The following LAMA2 variants were observed in gnomAD, a reference collection of about 807,000 sequenced individuals.
The protein encoded by LAMA2 is laminin subunit alpha 2.
In LAMA2, 269 loss-of-function variants were observed where a neutral mutation model predicts 364.8. The observed-to-expected ratio is 0.74, with a 90% CI of 0.67 to 0.82. The LOEUF (loss-of-function observed/expected upper bound fraction) is 0.82, where lower values mean the gene tolerates loss of function less well. Ranked by LOEUF, LAMA2 falls within the 40% of genes least tolerant of loss-of-function variation. The pLI is 0.00. For synonymous variants in LAMA2, 1,379 were observed against 1,370.6 expected (o/e 1.01, Z -0.14); for missense variants, 3,807 against 3,873.2 (o/e 0.98, Z 0.45).
intron 12 of LAMA2, among the ~76,000 whole-genome samples, chr6:129,213,997 C>T (rs1476882885): frequency 6.6e-6 from 1 of 151,978 alleles, no homozygotes. Context: ...TTATATGATC[C>T]ATTTTGAGGT....
intron 1 of LAMA2, among the ~76,000 whole-genome samples, chr6:128,984,725 G>T (rs904319811): frequency 1.1e-4 from 16 of 150,586 alleles, no homozygotes; most frequent in Non-Finnish European, 1.9e-4. Context: ...TGACTTTATA[G>T]TTTAAAATTG....
At chr6:129,146,340 A>T (rs1165337364) in intron 5 of LAMA2, among the ~76,000 whole-genome samples, 2 of 152,148 alleles carry the variant, frequency 1.3e-5, no homozygotes, top group East Asian at 3.9e-4. Flanking sequence ...GATTAAAATA[A>T]TTAGTAACAT....
intron 18 of LAMA2, among the ~76,000 whole-genome samples, chr6:129,286,324 C>A (rs2114410899): frequency 6.6e-6 from 1 of 151,392 alleles, no homozygotes; most frequent in South Asian, 2.1e-4. Context: ...TCTCCTTTGG[C>A]AAATGTGGCT....
intron 4 of LAMA2, among the ~76,000 whole-genome samples, chr6:129,132,324 G>A (rs377640556): frequency 6.6e-6 from 1 of 152,078 alleles, no homozygotes; most frequent in African/African-American, 2.4e-5. Flanking sequence ...CCGCCACCAC[G>A]CCTGGCTAAT....
intron 35 of LAMA2, among the ~76,000 whole-genome samples, chr6:129,388,078 C>A (rs971337177): frequency 6.6e-6 from 1 of 151,906 alleles, no homozygotes; most frequent in Non-Finnish European, 1.5e-5. Flanking sequence ...GCCAACATGG[C>A]AAAACCCCAT....
Position 129,149,169 on chromosome 6 carries a change from T to G in LAMA2, c.1027+73T>G, listed in dbSNP as rs1014431650. The G allele has an allele frequency of 9.9e-6, 9 of 912,132 alleles. No individual in the cohort carries two copies. The African/African-American group carries it at 1.5e-4, about 15-fold the overall frequency. The allele number at this position is 912,132 out of a possible 1,614,324, so 56.5% of individuals were successfully genotyped here. A position where few individuals can be genotyped will look rare whatever the true frequency, so the allele number is the denominator to read the frequency against. The stretch of plus-strand genomic sequence containing the variant: ...AAAAAAAGCCAGTAATGAAAAATAG[T>G]GAAATGGCTGGTTATGCAAATGTGT... On this transcript the variant is annotated intron_variant, in intron 7 of 64. Coordinates refer to ENST00000421865, the MANE Select transcript of LAMA2 (RefSeq NM_000426.4).
At chr6:129,388,263 A>C (rs972070984) in intron 35 of LAMA2, among the ~76,000 whole-genome samples, 3 of 151,784 alleles carry the variant, frequency 2.0e-5, no homozygotes, top group African/African-American at 7.3e-5. Context: ...CTCAAAAAAA[A>C]AAAAACAAAA....
chr6:129,470,523 A>AGACC (rs1232133563), intron 51 of LAMA2, among the ~76,000 whole-genome samples: 13 of 152,088 alleles, frequency 8.5e-5, no homozygotes, highest in African/African-American at 2.9e-4. Flanking sequence ...GTTCAAAAAT[A>AGACC]GACCCCAGGG....
chr6:129,220,750 A>G (rs1335980176), intron 12 of LAMA2, among the ~76,000 whole-genome samples: 1 of 152,206 alleles, frequency 6.6e-6, no homozygotes, highest in East Asian at 1.9e-4. Context: ...GAATTGAAAA[A>G]TGAGTACCAT....
At position 129,159,113 on chromosome 6, in the gene LAMA2, T is replaced by G. The variant is rs1038876760; in HGVS notation, c.1206+4430T>G. On this transcript the variant is annotated intron_variant, in intron 8 of 64. Transcript: ENST00000421865. ...CAATAATCTGATGTAAATGTATAGC[T>G]GAGTCATTGTTCAATTGTAATGTTT... The G allele has an allele frequency of 1.7e-5, 27 of 1,576,544 alleles. No homozygotes were observed. The South Asian group carries it at 2.4e-4, about 14-fold the overall frequency.
rs775662272 is a variant in LAMA2, at chr6:129,383,149, C to G, written c.4987C>G (p.Gln1663Glu). 6.2e-7 allele frequency: 1 copy of G among 1,613,804 alleles called. No homozygotes were observed. The highest frequency in any genetic ancestry group is 1.7e-5 in the Admixed American group (1 of 60,010). The change falls in exon 35 of 65, where the codon CAG (glutamine) becomes GAG (glutamate). Residue 1663 changes from glutamine to glutamate, a missense_variant. Transcript: ENST00000421865. Reference sequence around the variant, plus strand: ...TACCAAAGTGACAGCAGATGGCGAGCAGACCGGACAGGATGCTGAGAGGAC... The same window carrying G: ...TACCAAAGTGACAGCAGATGGCGAGGAGACCGGACAGGATGCTGAGAGGAC... ...RATKVTADGEQTGQDAERTNT... is the reference protein window; with the variant it reads ...RATKVTADGEETGQDAERTNT...
intron 2 of LAMA2, among the ~76,000 whole-genome samples, chr6:129,055,176 T>TTTATTATTATTATTTATTATTATTATTA (rs1554207590): frequency 0.016 from 1,962 of 123,616 alleles, 36 homozygotes; most frequent in African/African-American, 0.062. Context: ...ATTATTATTA[T>TTTATTATTATTATTTATTATTATTATTA]TTATTATTAT....
chr6:129,189,855 A>G (rs1380079107), intron 10 of LAMA2, among the ~76,000 whole-genome samples: 3 of 152,198 alleles, frequency 2.0e-5, no homozygotes, highest in South Asian at 2.1e-4. Context: ...GAAGTAGCTC[A>G]ATAACAGAAC....
At chr6:129,375,457 C>G (rs1396684532) in intron 34 of LAMA2, among the ~76,000 whole-genome samples, 1 of 152,174 alleles carries the variant, frequency 6.6e-6, no homozygotes, top group Non-Finnish European at 1.5e-5. Context: ...CACTCCCAGC[C>G]CACTACTGAA....
Position 129,427,766 on chromosome 6 carries a change from G to A in LAMA2, c.5880G>A (p.Arg1960=), listed in dbSNP as rs2114740697. ...TCTGTCCACAGGCAACAGGTCCTCG[G>A]GGTTTATTAAAGGAAGATGCCAAAG... is the stretch of plus-strand genomic sequence containing the variant. The part of the protein sequence containing the change: ...HEATKLATGP[R]GLLKEDAKGC... The change falls in exon 41 of 65, where the codon CGG becomes CGA. Residue 1960 remains arginine (R), a synonymous_variant. Transcript: ENST00000421865. 2.5e-6 allele frequency: 4 copies of A among 1,613,214 alleles called. No homozygotes were observed. The highest frequency in any genetic ancestry group is 3.4e-6 in the Non-Finnish European group (4 of 1,179,414).
chr6:128,936,586 GA>G (rs1779826927), intron 1 of LAMA2, among the ~76,000 whole-genome samples: 1 of 152,018 alleles, frequency 6.6e-6, no homozygotes, highest in Non-Finnish European at 1.5e-5. Context: ...ATATACCTAT[GA>G]AAAAGTTTAA....
chr6:129,478,471 GAGA>G (rs902593822), intron 53 of LAMA2, among the ~76,000 whole-genome samples: 1 of 152,108 alleles, frequency 6.6e-6, no homozygotes, highest in African/African-American at 2.4e-5. Flanking sequence ...TGCTAAAGGG[GAGA>G]AGGACTACAA....
intron 34 of LAMA2, among the ~76,000 whole-genome samples, chr6:129,375,134 G>A (rs949630625): frequency 6.6e-6 from 1 of 151,808 alleles, no homozygotes; most frequent in Non-Finnish European, 1.5e-5. Flanking sequence ...AATGTATTTT[G>A]ATATATTTTA....
At chr6:128,887,902 A>T (rs1403284242) in intron 1 of LAMA2, among the ~76,000 whole-genome samples, 1 of 152,144 alleles carries the variant, frequency 6.6e-6, no homozygotes, top group Admixed American at 6.6e-5. Flanking sequence ...ACAAAAATTT[A>T]AAAAGATTTG....
Sources: gnomAD v4.1 joint callset for allele counts (sites outside exome capture counted in the v4.1 genomes callset) on GRCh38, gnomAD v4.1.1 for gene constraint, MANE v1.5 for transcripts, NCBI Gene and HGNC (gene_info 2026-07-23, HGNC 2026-07-21) for gene names.